LHFPL3: variants seen among roughly 807,000 people sequenced by gnomAD.
LHFPL3 encodes the protein LHFPL tetraspan subfamily member 3 protein.
Under a neutral mutation model 19.3 loss-of-function variants are expected in LHFPL3, and 5 were observed. The ratio of observed to expected loss-of-function variants is 0.26; its 90% CI spans 0.14 to 0.54. The LOEUF is 0.54. LHFPL3 is among the 20% of genes least tolerant of loss of function. LHFPL3 has a pLI of 0.94. For missense variants in LHFPL3, 249 were observed against 307.4 expected, an observed-to-expected ratio of 0.81 and a Z score of 1.42; for synonymous variants, 133 against 126.2, an observed-to-expected ratio of 1.05 and a Z score of -0.36.
At chr7:104,504,934 A>AT (rs943089252) in intron 1 of LHFPL3, among the ~76,000 whole-genome samples, 1 of 152,166 alleles carries the variant, frequency 6.6e-6, no homozygotes, top group East Asian at 1.9e-4. Context: ...GCCTGATGAA[A>AT]TTTTTTTAGC....
intron 2 of LHFPL3, among the ~76,000 whole-genome samples, chr7:104,859,693 A>G (rs1350100924): frequency 6.6e-6 from 1 of 152,150 alleles, no homozygotes; most frequent in East Asian, 1.9e-4. Context: ...AATAAAGTAT[A>G]AGTAGAGGTA....
At chr7:104,508,629 T>C (rs536262233) in intron 1 of LHFPL3, among the ~76,000 whole-genome samples, 3 of 142,968 alleles carry the variant, frequency 2.1e-5, no homozygotes, top group East Asian at 4.0e-4. Flanking sequence ...TATATATATA[T>C]ACACATTAGG....
At chr7:104,676,692 G>A (rs1161497069) in intron 1 of LHFPL3, among the ~76,000 whole-genome samples, 1 of 152,132 alleles carries the variant, frequency 6.6e-6, no homozygotes, top group East Asian at 1.9e-4. Context: ...ACATCAAAAT[G>A]GCAAATAATG....
chr7:104,536,155 T>G (rs2115859701), intron 1 of LHFPL3, among the ~76,000 whole-genome samples: 1 of 152,332 alleles, frequency 6.6e-6, no homozygotes, highest in Admixed American at 6.5e-5. Context: ...TGGCATATAG[T>G]TTTTCTCTGT....
chr7:104,376,837 T>C (rs1183977566), intron 1 of LHFPL3, among the ~76,000 whole-genome samples: 4 of 152,222 alleles, frequency 2.6e-5, no homozygotes, highest in Admixed American at 2.6e-4. Context: ...CCTCCCAAAT[T>C]GACTTTTTTT....
chr7:104,364,120 A>C (rs929309799), intron 1 of LHFPL3, among the ~76,000 whole-genome samples: 1 of 152,194 alleles, frequency 6.6e-6, no homozygotes, highest in African/African-American at 2.4e-5. Flanking sequence ...ATGCAAAACT[A>C]ACCTTGAGAT....
chr7:104,517,589 C>G (rs2115793610), intron 1 of LHFPL3, among the ~76,000 whole-genome samples: 1 of 150,734 alleles, frequency 6.6e-6, no homozygotes, highest in East Asian at 1.9e-4. Context: ...TCACTGCACC[C>G]TCTGCCTCCC....
intron 1 of LHFPL3, among the ~76,000 whole-genome samples, chr7:104,698,878 A>G (rs1793049381): frequency 6.6e-6 from 1 of 152,254 alleles, no homozygotes; most frequent in South Asian, 2.1e-4. Flanking sequence ...TAAATGGGCA[A>G]ATAGCTTTAA....
chr7:104,791,818 A>G (rs1398573407), intron 2 of LHFPL3, among the ~76,000 whole-genome samples: 1 of 152,074 alleles, frequency 6.6e-6, no homozygotes, highest in African/African-American at 2.4e-5. Context: ...CAAGATGACT[A>G]TGTCTTGGTT....
chr7:104,614,653 C>CTTCTCTTCTTCCT (rs1554415305), intron 1 of LHFPL3, among the ~76,000 whole-genome samples: 1 of 51,436 alleles, frequency 1.9e-5, no homozygotes, highest in Non-Finnish European at 4.5e-5. Context: ...CTTCTCTTCT[C>CTTCTCTTCTTCCT]TCCTTCCTTC....
chr7:104,407,592 G>T (rs775211443), intron 1 of LHFPL3, among the ~76,000 whole-genome samples: 6 of 152,208 alleles, frequency 3.9e-5, no homozygotes, highest in Non-Finnish European at 7.3e-5. Context: ...GGAGGCAGAG[G>T]TTGCAGTGAG....
chr7:104,429,184 T>C (rs1326720691), intron 1 of LHFPL3, among the ~76,000 whole-genome samples: 3 of 151,986 alleles, frequency 2.0e-5, no homozygotes, highest in African/African-American at 7.2e-5. Flanking sequence ...AAAAATTAAC[T>C]TGGGCCCACA....
chr7:104,511,094 AAT>A (rs1418477287), intron 1 of LHFPL3, among the ~76,000 whole-genome samples: 7 of 152,174 alleles, frequency 4.6e-5, no homozygotes, highest in Admixed American at 4.6e-4. Context: ...TAGTATCTAG[AAT>A]ATATAAAGAA....
chr7:104,793,119 C>T (rs1790055806), intron 2 of LHFPL3, among the ~76,000 whole-genome samples: 1 of 152,208 alleles, frequency 6.6e-6, no homozygotes, highest in Non-Finnish European at 1.5e-5. Flanking sequence ...TGTTCTCAAA[C>T]TCCTGACCTC....
intron 2 of LHFPL3, among the ~76,000 whole-genome samples, chr7:104,817,390 C>T (rs537195225): frequency 4.6e-5 from 7 of 152,180 alleles, no homozygotes; most frequent in Non-Finnish European, 1.0e-4. Context: ...GCTGCCTTGA[C>T]CCAGCCCAGA....
rs568982460 is a variant in LHFPL3 at position 104,341,739 on chromosome 7, G to A, written c.445+12515G>A. ...CTGAAGACCCCTCCATTGTCGGCAG[G>A]ATGGGCTCTAGAGGGAGCTCCAGCC... is the stretch of plus-strand genomic sequence containing the variant. On this transcript the variant is annotated intron_variant, in intron 1 of 2. Coordinates refer to ENST00000424859, the MANE Select transcript of LHFPL3 (RefSeq NM_199000.3). Among the ~76,000 whole-genome samples the A allele has an allele frequency of 5.9e-5, 9 of 152,288 alleles. No homozygotes were observed. In the South Asian group the frequency reaches 1.9e-3, roughly 32 times the overall value.
At chr7:104,476,708 C>CCT (rs552791408) in intron 1 of LHFPL3, among the ~76,000 whole-genome samples, 90 of 152,312 alleles carry the variant, frequency 5.9e-4, no homozygotes, top group African/African-American at 2.1e-3. Flanking sequence ...GATCTGCCCA[C>CCT]CTCAGCCTCC....
chr7:104,809,769 A>C (rs1430978844), intron 2 of LHFPL3, among the ~76,000 whole-genome samples: 2 of 152,210 alleles, frequency 1.3e-5, no homozygotes, highest in Non-Finnish European at 2.9e-5. Context: ...TAGCTCAGAT[A>C]CCCTGGATTG....
chr7:104,881,484 C>T (rs1792056363), intron 2 of LHFPL3, among the ~76,000 whole-genome samples: 1 of 152,138 alleles, frequency 6.6e-6, no homozygotes, highest in South Asian at 2.1e-4. Context: ...AGCAAGAGAA[C>T]TAGAATTAGA....
Sources: gnomAD v4.1 joint callset for allele counts (sites outside exome capture counted in the v4.1 genomes callset) on GRCh38, gnomAD v4.1.1 for gene constraint, MANE v1.5 for transcripts, NCBI Gene and HGNC (gene_info 2026-07-23, HGNC 2026-07-21) for gene names.